Variants in SNX1 observed in about 807,000 individuals in gnomAD.
SNX1 encodes the protein sorting nexin-1.
In SNX1, 36 loss-of-function variants were observed where a neutral mutation model predicts 71.8. The observed-to-expected ratio is 0.50, with a 90% CI of 0.38 to 0.66. The LOEUF (loss-of-function observed/expected upper bound fraction) is 0.66, where lower values mean the gene tolerates loss of function less well. Among genes scored for constraint, SNX1 ranks in the 30% least tolerant of loss-of-function variants. SNX1 has a pLI of 0.00. For synonymous variants in SNX1, 254 were observed against 240.7 expected (o/e 1.06, Z -0.51); for missense variants, 612 against 646.7 (o/e 0.95, Z 0.58).
intron 1 of SNX1, among the ~76,000 whole-genome samples, chr15:64,102,925 C>A (rs1436155535): frequency 2.6e-5 from 4 of 151,866 alleles, no homozygotes; most frequent in Admixed American, 2.6e-4. Flanking sequence ...TGCCACCATG[C>A]CCAGCTAATT....
intron 4 of SNX1, among the ~76,000 whole-genome samples, chr15:64,122,989 T>TC (rs1193887233): frequency 2.0e-5 from 3 of 151,660 alleles, no homozygotes; most frequent in East Asian, 3.9e-4. Flanking sequence ...GAGGTCAGTG[T>TC]CCCCCCCGGC....
chr15:64,112,727 G>T, intron 2 of SNX1, 43 bp downstream of exon 2: 1 of 1,286,752 alleles, frequency 7.8e-7, no homozygotes, highest in Non-Finnish European at 1.1e-6. Context: ...CTCCTAAATG[G>T]CTTTGTTAAG....
chr15:64,108,089 A>C (rs2081041119), intron 1 of SNX1, among the ~76,000 whole-genome samples: 1 of 151,764 alleles, frequency 6.6e-6, no homozygotes, highest in Non-Finnish European at 1.5e-5. Context: ...GCTACTTGGG[A>C]GGCTGAGGCA....
intron 5 of SNX1, among the ~76,000 whole-genome samples, chr15:64,124,037 TGAGTATCATTG>T (rs1359904712): frequency 6.6e-6 from 1 of 151,570 alleles, no homozygotes; most frequent in East Asian, 1.9e-4. Flanking sequence ...GTCTTAAAGT[TGAGTATCATTG>T]GATCCACCTG....
In SNX1 at chr15:64,131,857, C is replaced by A; in HGVS notation, c.1186C>A (p.Leu396Met). The A allele has an allele frequency of 6.2e-7, 1 of 1,614,240 alleles. No homozygotes were observed. The highest frequency in any genetic ancestry group is 8.5e-7 in the Non-Finnish European group (1 of 1,180,038). Residue 396 changes from leucine to methionine, a missense_variant, in exon 11 of 15, where the codon CTG becomes ATG. By Grantham distance (15) the Leu-to-Met change is conservative. Around this residue, in one of 2 missense-constraint regions of SNX1, gnomAD observed 296 missense variants for 361.9 expected, o/e 0.82. Transcript: ENST00000559844. ...NNDFFLLAEL[L>M]SDYIRLLAIV... ...TGACTTCTTCCTCCTTGCTGAGCTC[C>A]TGAGTGACTACATTCGCCTCCTGGC...
At chr15:64,116,175 A>G (rs1045538947) in intron 2 of SNX1, among the ~76,000 whole-genome samples, 3 of 152,230 alleles carry the variant, frequency 2.0e-5, no homozygotes, top group African/African-American at 7.2e-5. Context: ...GAGAAAAGAA[A>G]GTTATTAAGA....
rs2140166198 is a variant in SNX1, at chr15:64,139,327, T to C, written c.*1709T>C. On this transcript the variant is annotated 3_prime_UTR_variant, in exon 15 of 15. Transcript: ENST00000559844. The stretch of plus-strand genomic sequence containing the variant: ...ACCATAATTTTGATTCATCCCTTGT[T>C]GTTGGATTCTTGGTCAGGGGTTGTT... 7.2e-6 allele frequency: 1 copy of C among 139,580 alleles called. No individual in the cohort carries two copies. Among genetic ancestry groups the C allele is most frequent in the Admixed American group, 7.5e-5 (1 of 13,418 alleles). The allele number at this position is 139,580 out of a possible 1,614,324, so 8.6% of individuals were successfully genotyped here.
intron 1 of SNX1, among the ~76,000 whole-genome samples, 183 bp downstream of exon 1, chr15:64,096,355 G>A (rs1333692745): frequency 2.6e-5 from 4 of 152,302 alleles, no homozygotes; most frequent in African/African-American, 9.6e-5. Context: ...CGGCCCCCAG[G>A]CGGGAAGAGT....
rs528732401 is a variant in SNX1 at position 64,108,751 on chromosome 15, G to C, written c.160-3822G>C. ...ACCTGTAATCCCAGCACTTTGGGAG[G>C]CTGAGGTGGACAGATCACCTTAGGT... On this transcript the variant is annotated intron_variant, in intron 1 of 14. Transcript: ENST00000559844. Among the ~76,000 whole-genome samples the C allele has an allele frequency of 3.3e-5, 5 of 152,230 alleles. No individual in the cohort carries two copies. The East Asian group carries it at 5.8e-4, about 18-fold the overall frequency.
At chr15:64,097,840 T>C (rs188963012) in intron 1 of SNX1, among the ~76,000 whole-genome samples, 1 of 152,352 alleles carries the variant, frequency 6.6e-6, no homozygotes, top group African/African-American at 2.4e-5. Context: ...AAATTCTTTA[T>C]GCAACATGTG....
intron 1 of SNX1, among the ~76,000 whole-genome samples, chr15:64,107,605 T>G (rs2081035430): frequency 6.6e-6 from 1 of 152,240 alleles, no homozygotes; most frequent in Admixed American, 6.5e-5. Flanking sequence ...AGTATTGGTC[T>G]GTCTGTATGC....
At position 64,104,658 on chromosome 15, in the gene SNX1, G is replaced by A. The variant is rs921513268; in HGVS notation, c.160-7915G>A. On this transcript the variant is annotated intron_variant, in intron 1 of 14. Transcript: ENST00000559844. ...CCAGCACTTTGGGAGGCCAAGGCAG[G>A]TAGATCACCTGAGGTTGGGAGTTCA... is the stretch of plus-strand genomic sequence containing the variant. Among the ~76,000 whole-genome samples the A allele has an allele frequency of 2.0e-5, 3 of 151,810 alleles. No homozygotes were observed. The South Asian group carries it at 6.3e-4, about 32-fold the overall frequency.
chr15:64,134,428 G>T lies in SNX1; in HGVS notation c.1222-236G>T. The T allele has an allele frequency of 1.9e-6, 1 of 526,016 alleles. No individual in the cohort carries two copies. Among genetic ancestry groups the T allele is most frequent in the East Asian group, 3.3e-5 (1 of 30,704 alleles). 32.6% of individuals were successfully genotyped at this position (526,016 alleles called of 1,614,324 possible). ...CCACCTACTGGATCCCTGCCATCCA[G>T]CCCTGGGAGTAGCATGAAGCAGCAT... is the stretch of plus-strand genomic sequence containing the variant. On this transcript the variant is annotated intron_variant, in intron 11 of 14. Coordinates refer to ENST00000559844, the MANE Select transcript of SNX1 (RefSeq NM_003099.5). This position sits in a 1 kb window ranked among gnomAD's most constrained non-coding sequence, Gnocchi z 4.1.
intron 14 of SNX1, among the ~76,000 whole-genome samples, chr15:64,137,224 C>T (rs897215594): frequency 3.9e-5 from 6 of 152,260 alleles, no homozygotes; most frequent in Non-Finnish European, 1.5e-5. Context: ...CATGGTACCA[C>T]CTGGCCCTCC....
chr15:64,120,408 G>C (rs1055033456), intron 4 of SNX1, among the ~76,000 whole-genome samples: 1 of 151,562 alleles, frequency 6.6e-6, no homozygotes, highest in African/African-American at 2.4e-5. Context: ...GAGTAGCTGG[G>C]ACTACAGATG....
At chr15:64,131,003 A>G (rs1021829713) in intron 10 of SNX1, among the ~76,000 whole-genome samples, 2 of 152,164 alleles carry the variant, frequency 1.3e-5, no homozygotes, top group Non-Finnish European at 2.9e-5. Flanking sequence ...ATTTATTATT[A>G]GCCGGTCGCG....
chr15:64,127,590 G>C, intron 7 of SNX1, 141 bp from the exon 8 acceptor site: 2 of 639,604 alleles, frequency 3.1e-6, no homozygotes, highest in South Asian at 3.9e-5. Flanking sequence ...CTTACAAGGA[G>C]AGACCTACTT....
At chr15:64,098,867 GCA>G (rs1218808157) in intron 1 of SNX1, among the ~76,000 whole-genome samples, 2 of 152,076 alleles carry the variant, frequency 1.3e-5, no homozygotes, top group African/African-American at 4.8e-5. Flanking sequence ...TTGTTCTACT[GCA>G]GAAAGCATAA....
chr15:64,143,670 C>G lies in SNX1; in HGVS notation c.*6052C>G, dbSNP rs1325337400. On this transcript the variant is annotated 3_prime_UTR_variant, in exon 15 of 15. Transcript: ENST00000559844. The stretch of plus-strand genomic sequence containing the variant: ...GGGCTTGGTACCTTAAGCACCCTTT[C>G]TCCCTTCCCCATCTTCATTCTCAGA... 2 of 152,262 alleles carry G rather than the reference C, an allele frequency of 1.3e-5. No homozygotes were observed. Among genetic ancestry groups the G allele is most frequent in the Non-Finnish European group, 2.9e-5 (2 of 68,070 alleles). 9.4% of individuals were successfully genotyped at this position (152,262 alleles called of 1,614,324 possible). A position where few individuals can be genotyped will look rare whatever the true frequency, so the allele number is the denominator to read the frequency against.
Sources: allele counts gnomAD v4.1 joint callset (sites outside exome capture counted in the v4.1 genomes callset), GRCh38; gene constraint gnomAD v4.1.1; regional missense constraint gnomAD v4.1.1; non-coding constraint Gnocchi (gnomAD v3.1); transcripts MANE v1.5; gene names NCBI Gene and HGNC (gene_info 2026-07-23, HGNC 2026-07-21).